The following TENM2 variants were observed in gnomAD, a reference collection of about 807,000 sequenced individuals.
TENM2 encodes teneurin-2.
Under a neutral mutation model 245.2 loss-of-function variants are expected in TENM2, and 52 were observed. That is an observed-to-expected ratio of 0.21 (90% CI 0.17 to 0.27). TENM2 has a LOEUF of 0.27. Among genes scored for constraint, TENM2 ranks in the 10% least tolerant of loss-of-function variants. The pLI, the probability that TENM2 is intolerant of heterozygous loss-of-function variation, is 1.00. For missense variants in TENM2, 3,046 were observed against 3,666.8 expected, an observed-to-expected ratio of 0.83 and a Z score of 4.37; for synonymous variants, 1,363 against 1,438.9, an observed-to-expected ratio of 0.95 and a Z score of 1.19.
intron 2 of TENM2, among the ~76,000 whole-genome samples, chr5:167,818,132 T>C (rs1767214694): frequency 6.6e-6 from 1 of 152,230 alleles, no homozygotes; most frequent in Non-Finnish European, 1.5e-5. Context: ...CAGTTGATGT[T>C]GAAAACTATG....
At chr5:167,794,501 A>G (rs758316508) in intron 2 of TENM2, among the ~76,000 whole-genome samples, 2 of 152,224 alleles carry the variant, frequency 1.3e-5, no homozygotes, top group Non-Finnish European at 2.9e-5. Context: ...ATGATTCAGT[A>G]GGTGTTTGCT....
intron 5 of TENM2, among the ~76,000 whole-genome samples, chr5:168,041,923 C>A (rs1788224875): frequency 6.6e-6 from 1 of 152,226 alleles, no homozygotes; most frequent in South Asian, 2.1e-4. Context: ...TGCAAAGGGG[C>A]CTTTGCAGGT....
chr5:166,986,179 G>A, the TENM2 span, among the ~76,000 whole-genome samples: 2 of 152,124 alleles, frequency 1.3e-5, no homozygotes, highest in Admixed American at 6.6e-5. Flanking sequence ...TAATTCAAGT[G>A]AGCAATGCAA....
At chr5:167,424,404 T>C (rs956582259) in intron 2 of TENM2, among the ~76,000 whole-genome samples, 3 of 152,152 alleles carry the variant, frequency 2.0e-5, no homozygotes, top group Non-Finnish European at 4.4e-5. Context: ...AATCATGTCA[T>C]TCAATGTTAG....
chr5:167,308,935 G>C (rs1178360373), intron 1 of TENM2, among the ~76,000 whole-genome samples: 1 of 151,284 alleles, frequency 6.6e-6, no homozygotes, highest in Non-Finnish European at 1.5e-5. Context: ...TCAGAGCTCA[G>C]AATCATCAAC....
chr5:167,296,253 G>A (rs1464761331), intron 1 of TENM2: 1 of 152,172 alleles, frequency 6.6e-6, no homozygotes, highest in African/African-American at 2.4e-5. Context: ...TCGGCACTGG[G>A]CAATTGCGGT....
rs115400664 is a variant in TENM2, at chr5:168,008,304, G to T, written c.1186+15122G>T. ...TTATGAGGAGAGGGACGCCTGCTAA[G>T]AACAGTGAAAAACAGTGGAGCAAGA... is the stretch of plus-strand genomic sequence containing the variant. On this transcript the variant is annotated intron_variant, in intron 5 of 28. Coordinates refer to ENST00000518659, the Ensembl canonical transcript of TENM2. Among the ~76,000 whole-genome samples, 654 of 152,314 alleles carry T rather than the reference G, an allele frequency of 4.3e-3. 3 individuals are homozygous for T. Among genetic ancestry groups the T allele is most frequent in the Middle Eastern group, 0.01 (3 of 292 alleles).
At chr5:167,581,255 A>G (rs1385461702) in intron 2 of TENM2, among the ~76,000 whole-genome samples, 1 of 152,248 alleles carries the variant, frequency 6.6e-6, no homozygotes, top group Non-Finnish European at 1.5e-5. Context: ...AATAAAACAT[A>G]TGCTATATAA....
At chr5:167,787,976 C>A (rs1268548887) in intron 2 of TENM2, among the ~76,000 whole-genome samples, 1 of 152,158 alleles carries the variant, frequency 6.6e-6, no homozygotes. Flanking sequence ...CCTTGATATG[C>A]CTTTAAAAAT....
At chr5:167,594,729 T>C (rs1459294254) in intron 2 of TENM2, among the ~76,000 whole-genome samples, 1 of 152,218 alleles carries the variant, frequency 6.6e-6, no homozygotes, top group African/African-American at 2.4e-5. Flanking sequence ...TTGTGCACTT[T>C]GGTGTCTTTT....
chr5:167,809,527 T>C (rs1277574590), intron 2 of TENM2, among the ~76,000 whole-genome samples: 3 of 152,192 alleles, frequency 2.0e-5, no homozygotes, highest in African/African-American at 7.2e-5. Context: ...ACTGAAGATT[T>C]TGTGTTGTGA....
chr5:167,198,717 T>C, the TENM2 span, among the ~76,000 whole-genome samples: 2 of 152,102 alleles, frequency 1.3e-5, no homozygotes, highest in Non-Finnish European at 1.5e-5. Context: ...CGGTCCCAGC[T>C]GTGTCATTGA....
chr5:167,522,820 A>G (rs932079521), intron 2 of TENM2, among the ~76,000 whole-genome samples: 5 of 80,964 alleles, frequency 6.2e-5, no homozygotes, highest in Admixed American at 4.5e-4. Context: ...CCTCTGCCCT[A>G]TAAAAAAAAA....
At chr5:168,175,018 A>C (rs903706102) in intron 13 of TENM2, among the ~76,000 whole-genome samples, 23 of 152,142 alleles carry the variant, frequency 1.5e-4, no homozygotes, top group African/African-American at 5.1e-4. Context: ...TGTGCCATTT[A>C]CTGATGGGGT....
At chr5:167,758,316 A>G (rs1762439502) in intron 2 of TENM2, among the ~76,000 whole-genome samples, 2 of 152,128 alleles carry the variant, frequency 1.3e-5, no homozygotes, top group African/African-American at 4.8e-5. Flanking sequence ...TCATTCCATC[A>G]ATATCTTGCT....
chr5:167,557,248 G>A (rs1773317012), intron 2 of TENM2, among the ~76,000 whole-genome samples: 1 of 152,128 alleles, frequency 6.6e-6, no homozygotes, highest in Non-Finnish European at 1.5e-5. Context: ...TTAGCCTATT[G>A]TGTGGTTATG....
chr5:168,131,050 C>G (rs770756874), intron 12 of TENM2, among the ~76,000 whole-genome samples: 1 of 152,116 alleles, frequency 6.6e-6, no homozygotes, highest in Non-Finnish European at 1.5e-5. Flanking sequence ...TAGATGTTAG[C>G]GTGTGTTAAT....
intron 2 of TENM2, among the ~76,000 whole-genome samples, chr5:167,756,056 C>A (rs1561744148): frequency 6.6e-6 from 1 of 152,070 alleles, no homozygotes; most frequent in Non-Finnish European, 1.5e-5. Flanking sequence ...ATTTTTTAAA[C>A]AAGGAAACTC....
At chr5:167,382,543 T>C (rs1005326278) in intron 2 of TENM2, among the ~76,000 whole-genome samples, 1 of 152,160 alleles carries the variant, frequency 6.6e-6, no homozygotes, top group East Asian at 1.9e-4. Flanking sequence ...TCATTTCTTA[T>C]TTGTGAAGAA....
Sources: allele counts gnomAD v4.1 joint callset (sites outside exome capture counted in the v4.1 genomes callset), GRCh38; gene constraint gnomAD v4.1.1; transcripts MANE v1.5; gene names NCBI Gene and HGNC (gene_info 2026-07-23, HGNC 2026-07-21).